CSMD3: variants seen among roughly 807,000 people sequenced by gnomAD.
CSMD3 encodes the protein CUB and sushi domain-containing protein 3.
In CSMD3, 177 loss-of-function variants were observed where a neutral mutation model predicts 435.2. That is an observed-to-expected ratio of 0.41 (90% CI 0.36 to 0.46). The LOEUF is 0.46. CSMD3 is among the 20% of genes least tolerant of loss of function. The probability of loss-of-function intolerance (pLI) is 0.34; values close to 1 mark genes in which losing one functional copy is unlikely to be tolerated. For missense variants in CSMD3, 4,265 were observed against 4,504.6 expected (o/e 0.95, Z 1.52); for synonymous variants, 1,656 against 1,520.5 (o/e 1.09, Z -2.07).
intron 9 of CSMD3, among the ~76,000 whole-genome samples, chr8:112,935,144 T>C (rs184268573): frequency 1.3e-5 from 2 of 152,140 alleles, no homozygotes; most frequent in African/African-American, 2.4e-5. Flanking sequence ...ACACCATTTA[T>C]TGAAGAAAGT....
At chr8:112,393,995 T>C (rs1270344492) in intron 35 of CSMD3, among the ~76,000 whole-genome samples, 5 of 152,230 alleles carry the variant, frequency 3.3e-5, no homozygotes, top group African/African-American at 1.2e-4. Context: ...GACTACCAGA[T>C]GTTTATCTCT....
rs537807622 is a variant in CSMD3, at chr8:112,729,945, T to C, written c.1973-39895A>G. Among the ~76,000 whole-genome samples the C allele has an allele frequency of 9.2e-5, 14 of 152,230 alleles. No individual in the cohort carries two copies. The East Asian group carries it at 2.7e-3, about 30-fold the overall frequency. ...TTGTTTTCAGCCAACAAGTTTGTGG[T>C]AAATACTAAGAAACTAGTGTACTTA... On this transcript the variant is annotated intron_variant, in intron 13 of 70. Transcript: ENST00000297405.
chr8:113,137,559 C>T (rs1398616838), intron 4 of CSMD3, among the ~76,000 whole-genome samples: 1 of 151,446 alleles, frequency 6.6e-6, no homozygotes, highest in Non-Finnish European at 1.5e-5. Flanking sequence ...ATCTGGGCAC[C>T]AGCACATTTA....
rs2132329330 is a variant in CSMD3 at position 112,800,182 on chromosome 8, C to T, written c.1952G>A (p.Gly651Asp). ...ATTACCTTTGTAGTTAACCTTGAAACCAACAGATCCAACACTTTCGTCCGT... is the reference window on the plus strand; with the variant it reads ...ATTACCTTTGTAGTTAACCTTGAAATCAACAGATCCAACACTTTCGTCCGT... Reference protein sequence around the residue: ...LQTDESVGSVGFKVNYKEIEK... With the variant: ...LQTDESVGSVDFKVNYKEIEK... The change falls in exon 13 of 71, where the codon GGT (glycine) becomes GAT (aspartate). Residue 651 changes from glycine to aspartate, a missense_variant. By Grantham distance (94) the Gly-to-Asp change is moderately conservative. This residue lies in a region of CSMD3 where 279 missense variants were observed against 369.0 expected (regional missense o/e 0.76). Transcript: ENST00000297405. The T allele has an allele frequency of 6.2e-7, 1 of 1,610,880 alleles. No homozygotes were observed. Among genetic ancestry groups the T allele is most frequent in the Non-Finnish European group, 8.5e-7 (1 of 1,177,308 alleles).
intron 38 of CSMD3, among the ~76,000 whole-genome samples, chr8:112,364,162 A>G (rs1175991228): frequency 6.6e-6 from 1 of 151,968 alleles, no homozygotes; most frequent in East Asian, 1.9e-4. Context: ...ATCTTTTGCT[A>G]TTTATAAGAT....
Position 112,535,356 on chromosome 8 carries a change from G to A in CSMD3, c.4564+15315C>T, listed in dbSNP as rs1464020982. Among the ~76,000 whole-genome samples, 10 of 148,990 alleles carry A rather than the reference G, an allele frequency of 6.7e-5. No homozygotes were observed. In the South Asian group the frequency reaches 1.9e-3, roughly 29 times the overall value. ...TACAAAATCAGTGTACAAAAATCAC[G>A]AGCATTCTTATACACCAATAACAGA... On this transcript the variant is annotated intron_variant, in intron 27 of 70. Transcript: ENST00000297405.
At chr8:112,296,212 G>T (rs62514393) in intron 53 of CSMD3, among the ~76,000 whole-genome samples, 1,548 of 152,230 alleles carry the variant, frequency 0.01, 11 homozygotes, top group Non-Finnish European at 0.016. Context: ...CACGTGTCTA[G>T]TGACACTTGG....
chr8:112,394,169 T>C (rs1361402633), intron 35 of CSMD3, among the ~76,000 whole-genome samples: 1 of 152,182 alleles, frequency 6.6e-6, no homozygotes, highest in Admixed American at 6.6e-5. Context: ...CTAAGATTCA[T>C]CTTGATTTAT....
At chr8:112,816,926 A>T (rs1220072699) in intron 12 of CSMD3, among the ~76,000 whole-genome samples, 3 of 151,986 alleles carry the variant, frequency 2.0e-5, no homozygotes, top group Admixed American at 1.3e-4. Context: ...CTAAACTAAC[A>T]TATTTCTGAG....
At chr8:112,236,618 G>A (rs1227547990) in intron 67 of CSMD3, among the ~76,000 whole-genome samples, 1 of 152,112 alleles carries the variant, frequency 6.6e-6, no homozygotes, top group Non-Finnish European at 1.5e-5. Flanking sequence ...TGCTTGAGGA[G>A]GTGACTTGTG....
intron 1 of CSMD3, among the ~76,000 whole-genome samples, chr8:113,422,970 A>C (rs1255591107): frequency 1.3e-5 from 2 of 152,096 alleles, no homozygotes; most frequent in Non-Finnish European, 2.9e-5. Flanking sequence ...ACACAATGAA[A>C]TATCTTGGGG....
At chr8:113,375,759 T>C (rs1014847848) in intron 1 of CSMD3, among the ~76,000 whole-genome samples, 2 of 151,990 alleles carry the variant, frequency 1.3e-5, no homozygotes, top group Admixed American at 1.3e-4. Context: ...TATGTAAGAC[T>C]AAAATATGAG....
At chr8:112,815,751 G>A (rs1043787682) in intron 12 of CSMD3, among the ~76,000 whole-genome samples, 1 of 151,754 alleles carries the variant, frequency 6.6e-6, no homozygotes, top group Non-Finnish European at 1.5e-5. Context: ...TTTTTTCAGG[G>A]AAATCATCAG....
At chr8:112,586,087 C>T (rs1176565770) in intron 23 of CSMD3, among the ~76,000 whole-genome samples, 1 of 151,488 alleles carries the variant, frequency 6.6e-6, no homozygotes, top group Admixed American at 6.6e-5. Flanking sequence ...CTATACAAAT[C>T]TTATAAGCAT....
intron 10 of CSMD3, among the ~76,000 whole-genome samples, chr8:112,908,232 G>T (rs1391675324): frequency 6.6e-6 from 1 of 151,258 alleles, no homozygotes; most frequent in Non-Finnish European, 1.5e-5. Flanking sequence ...TATTAGAAGG[G>T]TATATCCTGT....
intron 6 of CSMD3, among the ~76,000 whole-genome samples, chr8:112,982,481 A>G (rs1267953252): frequency 6.6e-6 from 1 of 151,970 alleles, no homozygotes; most frequent in Non-Finnish European, 1.5e-5. Context: ...TAACTAGAGT[A>G]AAAGCATTTG....
chr8:113,276,645 C>T (rs968751152), intron 3 of CSMD3, among the ~76,000 whole-genome samples: 1 of 151,906 alleles, frequency 6.6e-6, no homozygotes, highest in African/African-American at 2.4e-5. Context: ...CCTTGTGGGA[C>T]TCCAAACAGA....
At chr8:112,290,841 T>C (rs1329864193) in intron 56 of CSMD3, among the ~76,000 whole-genome samples, 1 of 151,994 alleles carries the variant, frequency 6.6e-6, no homozygotes, top group Non-Finnish European at 1.5e-5. Flanking sequence ...ATTGACTGAA[T>C]TGCTAGAATT....
At chr8:113,158,637 T>C (rs2091979855) in intron 4 of CSMD3, among the ~76,000 whole-genome samples, 1 of 152,010 alleles carries the variant, frequency 6.6e-6, no homozygotes, top group Non-Finnish European at 1.5e-5. Context: ...CTTACAGATC[T>C]TTTTAACTAT....
Sources: allele counts gnomAD v4.1 joint callset (sites outside exome capture counted in the v4.1 genomes callset), GRCh38; gene constraint gnomAD v4.1.1; regional missense constraint gnomAD v4.1.1; transcripts MANE v1.5; gene names NCBI Gene and HGNC (gene_info 2026-07-23, HGNC 2026-07-21).